Variants in RAMP3 observed in about 807,000 individuals in gnomAD.
RAMP3 encodes the protein receptor activity-modifying protein 3.
RAMP3 carries 14 observed loss-of-function variants against 13.5 expected under a neutral mutation model. The ratio of observed to expected loss-of-function variants is 1.04; its 90% CI spans 0.69 to 1.63. The LOEUF is 1.63. Among genes scored for constraint, RAMP3 ranks in the 40% most tolerant of loss-of-function variants. The pLI is 0.00. For missense variants in RAMP3, 200 were observed against 204.8 expected, an observed-to-expected ratio of 0.98 and a Z score of 0.14; for synonymous variants, 106 against 88.3, an observed-to-expected ratio of 1.20 and a Z score of -1.12.
chr7:45,165,284 A>G (rs1166090362), intron 1 of RAMP3, among the ~76,000 whole-genome samples: 1 of 152,172 alleles, frequency 6.6e-6, no homozygotes, highest in African/African-American at 2.4e-5. Flanking sequence ...CATATATTTT[A>G]TTTAAATCAA....
intron 1 of RAMP3, among the ~76,000 whole-genome samples, chr7:45,169,631 C>T (rs1279255965): frequency 6.6e-6 from 1 of 152,158 alleles, no homozygotes; most frequent in African/African-American, 2.4e-5. Context: ...TTCTGGTGGC[C>T]CCAGGTGTTC....
rs527985295 is a variant in RAMP3, at chr7:45,159,529, C to T, written c.58+1643C>T. 5.3e-5 allele frequency among the ~76,000 whole-genome samples: 8 copies of T among 152,240 alleles called. No homozygotes were observed. The South Asian group carries it at 1.0e-3, about 20-fold the overall frequency. On this transcript the variant is annotated intron_variant, in intron 1 of 2. Transcript: ENST00000242249. ...GATGCTGTGTGGGGCTGTGGGGATG[C>T]GAAGTCCAGCAGTTGTCTACTCAGC...
chr7:45,170,469 C>A (rs1786058778), intron 1 of RAMP3, among the ~76,000 whole-genome samples: 1 of 151,810 alleles, frequency 6.6e-6, no homozygotes, highest in South Asian at 2.1e-4. Context: ...TCTCGAGTAG[C>A]TAGGACTACA....
chr7:45,177,568 G>A (rs1786217775), intron 2 of RAMP3, 127 bp downstream of exon 2: 46 of 1,386,458 alleles, frequency 3.3e-5, no homozygotes, highest in South Asian at 1.3e-4. Flanking sequence ...ACAACCCACC[G>A]TAGGCCACCC....
chr7:45,178,028 G>A (rs926503260), intron 2 of RAMP3, among the ~76,000 whole-genome samples: 1 of 150,724 alleles, frequency 6.6e-6, no homozygotes, highest in Non-Finnish European at 1.5e-5. Context: ...CTCTCCCAGG[G>A]GTGGGTGCTG....
At chr7:45,175,887 C>T (rs973115779) in intron 1 of RAMP3, among the ~76,000 whole-genome samples, 1 of 152,136 alleles carries the variant, frequency 6.6e-6, no homozygotes, top group Non-Finnish European at 1.5e-5. Flanking sequence ...GTGTCTGGGG[C>T]GCTGTGTTCT....
At chr7:45,165,557 A>G (rs1174836634) in intron 1 of RAMP3, among the ~76,000 whole-genome samples, 1 of 152,208 alleles carries the variant, frequency 6.6e-6, no homozygotes, top group Non-Finnish European at 1.5e-5. Context: ...TTCACATGCC[A>G]CACAATTCAC....
At chr7:45,162,246 G>T (rs10249390) in intron 1 of RAMP3, among the ~76,000 whole-genome samples, 5,097 of 152,296 alleles carry the variant, frequency 0.033, 311 homozygotes, top group African/African-American at 0.12. Context: ...AAGGAGGCAT[G>T]ATGTTTTTCA....
intron 2 of RAMP3, among the ~76,000 whole-genome samples, chr7:45,178,856 G>A (rs561626874): frequency 1.8e-4 from 27 of 152,346 alleles, no homozygotes; most frequent in African/African-American, 4.3e-4. Flanking sequence ...GCATTTAGGA[G>A]CCAGTGAGTG....
intron 1 of RAMP3, chr7:45,163,285 T>G: frequency 1.0e-6 from 1 of 985,430 alleles, no homozygotes; most frequent in Non-Finnish European, 1.2e-6. Flanking sequence ...CTCAGGGCTT[T>G]CTGGGTGGGT....
At chr7:45,168,702 A>G (rs544378529) in intron 1 of RAMP3, among the ~76,000 whole-genome samples, 22 of 152,298 alleles carry the variant, frequency 1.4e-4, no homozygotes, top group Admixed American at 8.5e-4. Context: ...TTCTAAGTAT[A>G]AAATCGTGTC....
intron 2 of RAMP3, among the ~76,000 whole-genome samples, chr7:45,180,508 G>A (rs772055876): frequency 1.3e-5 from 2 of 152,184 alleles, no homozygotes; most frequent in African/African-American, 4.8e-5. Context: ...CCCCAAACTC[G>A]CCCATGGCCT....
At chr7:45,161,695 G>A (rs1235490367) in intron 1 of RAMP3, among the ~76,000 whole-genome samples, 3 of 151,798 alleles carry the variant, frequency 2.0e-5, no homozygotes, top group Admixed American at 1.3e-4. Context: ...AGGAGGGGGA[G>A]GCAGAGGAGG....
chr7:45,174,515 A>G (rs981590766), intron 1 of RAMP3, among the ~76,000 whole-genome samples: 8 of 152,150 alleles, frequency 5.3e-5, no homozygotes, highest in Non-Finnish European at 1.2e-4. Flanking sequence ...GGGCAGCTCA[A>G]GTCCTCTTAG....
chr7:45,163,382 C>T lies in RAMP3; in HGVS notation c.58+5496C>T, dbSNP rs935732975. 5.1e-6 allele frequency: 5 copies of T among 985,336 alleles called. No homozygotes were observed. The African/African-American group carries it at 7.0e-5, about 14-fold the overall frequency. The allele number at this position is 985,336 out of a possible 1,614,324, so 61.0% of individuals were successfully genotyped here. On this transcript the variant is annotated intron_variant, in intron 1 of 2. Transcript: ENST00000242249. ...ACTTTTTGGTTCCTTCAAAGCACTT[C>T]AGGGTCTAGAGCTGTGCTACAAGAG...
rs955563019 is a variant in RAMP3, at chr7:45,183,120, G to A, written c.192-37G>A. ...GGTCAGGGCAGGTGTGAGGGGGGAT[G>A]GCGAGAGCCTGGCTTTCACCCCCTC... is the stretch of plus-strand genomic sequence containing the variant. On this transcript the variant is annotated intron_variant, in intron 2 of 2. Transcript: ENST00000242249. The A allele has an allele frequency of 1.9e-6, 3 of 1,600,990 alleles. No individual in the cohort carries two copies. In the African/African-American group the frequency reaches 4.0e-5, roughly 21 times the overall value.
In RAMP3 at chr7:45,158,900, T is replaced by C. The variant is rs1396693585; in HGVS notation, c.58+1014T>C. 2.6e-5 allele frequency among the ~76,000 whole-genome samples: 4 copies of C among 152,230 alleles called. No individual in the cohort carries two copies. The East Asian group carries it at 5.8e-4, about 22-fold the overall frequency. ...AGCCTAGGATGTGGTGGATTTTGTG[T>C]TGAAGTGCAAAGGTGGATGGCAGCT... On this transcript the variant is annotated intron_variant, in intron 1 of 2. Transcript: ENST00000242249.
chr7:45,167,753 A>G (rs932531784), intron 1 of RAMP3, among the ~76,000 whole-genome samples: 62 of 151,566 alleles, frequency 4.1e-4, no homozygotes, highest in African/African-American at 1.4e-3. Flanking sequence ...CGCCCGGGTA[A>G]TTTTGTATTT....
In RAMP3 at chr7:45,184,159, G is replaced by A. The variant is rs1217028737; in HGVS notation, c.*747G>A. Reference sequence around the variant, plus strand: ...TTCCTACAGGGGCTCCTCTGTGGGTGAGGGGCCCTCTGGAATGGCATCCCA... The same window carrying A: ...TTCCTACAGGGGCTCCTCTGTGGGTAAGGGGCCCTCTGGAATGGCATCCCA... On this transcript the variant is annotated 3_prime_UTR_variant, in exon 3 of 3. Transcript: ENST00000242249. 1 of 398,646 alleles carries A rather than the reference G, an allele frequency of 2.5e-6. No homozygotes were observed. The highest frequency in any genetic ancestry group is 4.4e-6 in the Non-Finnish European group (1 of 226,192). The allele number at this position is 398,646 out of a possible 1,614,324, so 24.7% of individuals were successfully genotyped here.
Sources: allele counts gnomAD v4.1 joint callset (sites outside exome capture counted in the v4.1 genomes callset), GRCh38; gene constraint gnomAD v4.1.1; transcripts MANE v1.5; gene names NCBI Gene and HGNC (gene_info 2026-07-23, HGNC 2026-07-21).